Variants in SLC15A1 observed in about 807,000 individuals in gnomAD.
The protein encoded by SLC15A1 is Caco-2 oligopeptide transporter.
A neutral mutation model predicts 92.9 loss-of-function variants in SLC15A1; 83 were observed. The observed-to-expected ratio is 0.89, with a 90% confidence interval of 0.75 to 1.07. The LOEUF (loss-of-function observed/expected upper bound fraction) is 1.07. SLC15A1 is among the 50% of genes least tolerant of loss of function. SLC15A1 has a pLI of 0.00. For synonymous variants in SLC15A1, 322 were observed against 318.2 expected (o/e 1.01, Z -0.13); for missense variants, 857 against 880.1 (o/e 0.97, Z 0.33).
intron 16 of SLC15A1, 96 bp downstream of exon 16, chr13:98,706,038 G>T: frequency 7.3e-7 from 1 of 1,365,188 alleles, no homozygotes. Flanking sequence ...GGCTGGCCTT[G>T]GCATTTATAC....
At chr13:98,698,997 G>A (rs1408680997) in intron 18 of SLC15A1, among the ~76,000 whole-genome samples, 2 of 151,660 alleles carry the variant, frequency 1.3e-5, no homozygotes, top group Non-Finnish European at 2.9e-5. Context: ...TGGCTTTTGG[G>A]GTGCACAGTG....
intron 18 of SLC15A1, among the ~76,000 whole-genome samples, chr13:98,696,327 T>G (rs1241520315): frequency 3.9e-5 from 3 of 77,556 alleles, no homozygotes; most frequent in Non-Finnish European, 7.6e-5. Context: ...GGCAGGATAA[T>G]TGCTTGAACC....
intron 5 of SLC15A1, among the ~76,000 whole-genome samples, chr13:98,722,300 A>G (rs1372908227): frequency 2.0e-5 from 3 of 152,256 alleles, no homozygotes; most frequent in Non-Finnish European, 4.4e-5. Context: ...ATTGGAAAAC[A>G]TGATTTCATT....
chr13:98,725,524 C>T (rs2088291200), intron 4 of SLC15A1, among the ~76,000 whole-genome samples: 1 of 152,158 alleles, frequency 6.6e-6, no homozygotes, highest in African/African-American at 2.4e-5. Context: ...TAACTCCATG[C>T]CTCACACATC....
chr13:98,703,539 CTTTTTTTTTTTTTTTTTTTTT>C (rs771426478), intron 17 of SLC15A1, among the ~76,000 whole-genome samples: 27 of 85,538 alleles, frequency 3.2e-4, no homozygotes, highest in Middle Eastern at 7.5e-3. Flanking sequence ...GCTGCTGCTG[CTTTTTTTTTTTTTTTTTTTTT>C]TTTTTTTTTT....
intron 16 of SLC15A1, among the ~76,000 whole-genome samples, chr13:98,705,233 C>T (rs1028020628): frequency 1.4e-5 from 2 of 143,386 alleles, no homozygotes; most frequent in African/African-American, 5.2e-5. Flanking sequence ...ATCTCTGGGG[C>T]TGGGACCCAG....
intron 17 of SLC15A1, among the ~76,000 whole-genome samples, chr13:98,703,950 T>C (rs2088090764): frequency 6.6e-6 from 1 of 152,212 alleles, no homozygotes; most frequent in Non-Finnish European, 1.5e-5. Context: ...CAATTAATTA[T>C]ATATTTTAAA....
At chr13:98,726,328 C>G in intron 3 of SLC15A1, 40 bp downstream of exon 3, 1 of 1,613,856 alleles carries the variant, frequency 6.2e-7, no homozygotes, top group Admixed American at 1.7e-5. Context: ...TGGCCACTCC[C>G]GCTCTTCCCT....
Position 98,704,306 on chromosome 13 carries a change from G to A in SLC15A1, c.1399C>T (p.Pro467Ser), listed in dbSNP as rs62637593. The A allele has an allele frequency of 1.9e-5, 31 of 1,609,838 alleles. No individual in the cohort carries two copies. Among genetic ancestry groups the A allele is most frequent in the Non-Finnish European group, 2.4e-5 (28 of 1,178,370 alleles). ...ACACTTACCACCTGGTAGTGATTGG[G>A]GGCCCACACTAGAAGCGTGTGGCGT... is the stretch of plus-strand genomic sequence containing the variant. ...GQRHTLLVWAPNHYQVVKDGL... is the reference protein window; with the variant it reads ...GQRHTLLVWASNHYQVVKDGL... The change falls in exon 17 of 23, where the codon CCC becomes TCC. Residue 467 changes from proline (P) to serine (S), a missense_variant. By Grantham distance (74) the Pro-to-Ser change is moderately conservative (BLOSUM62 -1). Coordinates refer to ENST00000376503, the MANE Select transcript of SLC15A1 (RefSeq NM_005073.4).
chr13:98,695,474 C>A (rs1461826430), intron 18 of SLC15A1, among the ~76,000 whole-genome samples: 1 of 152,116 alleles, frequency 6.6e-6, no homozygotes, highest in African/African-American at 2.4e-5. Context: ...CTCACTGCAA[C>A]CTCCGTGCCC....
At chr13:98,730,672 G>C (rs1372126680) in intron 1 of SLC15A1, among the ~76,000 whole-genome samples, 1 of 152,270 alleles carries the variant, frequency 6.6e-6, no homozygotes, top group African/African-American at 2.4e-5. Flanking sequence ...CGTTACGGGG[G>C]AGACGCGACT....
intron 4 of SLC15A1, 65 bp downstream of exon 4, chr13:98,726,058 C>T: frequency 6.3e-7 from 1 of 1,578,788 alleles, no homozygotes; most frequent in Non-Finnish European, 8.6e-7. Flanking sequence ...TTCCACCATT[C>T]CCAACTACAA....
At position 98,737,869 on chromosome 13, in the gene SLC15A1, C is replaced by G. The variant is rs144850671; in HGVS notation, c.5-11010G>C. 8.9e-3 allele frequency among the ~76,000 whole-genome samples: 1,350 copies of G among 152,270 alleles called. 11 individuals carry two copies. The highest frequency in any genetic ancestry group is 0.017 in the Middle Eastern group (5 of 294). On this transcript the variant is annotated intron_variant, in intron 1 of 22. Transcript: ENST00000376503. ...GAAGATGAGGGAAAGTTTGGAACTT[C>G]TTAGAAACTGTCTAAATGGTTGTGA...
intron 22 of SLC15A1, 21 bp downstream of exon 22, chr13:98,686,169 A>T (rs376782901): frequency 1.9e-6 from 3 of 1,559,116 alleles, no homozygotes; most frequent in Non-Finnish European, 2.7e-6. Context: ...GGTATGTGCA[A>T]TCTCCTCTCC....
chr13:98,708,745 C>G lies in SLC15A1; in HGVS notation c.1090G>C (p.Gly364Arg). ...AAGGCCATGGAGGCCAGGACCATGC[C>G]AACTGCCATCTTCTTCAAGGAGCTG... ...NFTSLKKMAVGMVLASMAFVV... is the reference protein window; with the variant it reads ...NFTSLKKMAVRMVLASMAFVV... The change falls in exon 15 of 23, where the codon GGC (glycine) becomes CGC (arginine). Residue 364 changes from glycine to arginine, a missense_variant. Physicochemically the swap from Gly to Arg is moderately radical, Grantham distance 125. Coordinates refer to ENST00000376503, the MANE Select transcript of SLC15A1 (RefSeq NM_005073.4). 2 of 1,612,068 alleles carry G rather than the reference C, an allele frequency of 1.2e-6. No homozygotes were observed. The highest frequency in any genetic ancestry group is 3.4e-5 in the Admixed American group (2 of 59,636).
intron 1 of SLC15A1, among the ~76,000 whole-genome samples, chr13:98,743,575 G>C (rs2088466367): frequency 2.0e-5 from 3 of 152,296 alleles, no homozygotes; most frequent in African/African-American, 7.2e-5. Flanking sequence ...GAGTGCTCCA[G>C]GGTTCACATG....
chr13:98,749,428 C>T (rs1298831780), intron 1 of SLC15A1, among the ~76,000 whole-genome samples: 1 of 152,140 alleles, frequency 6.6e-6, no homozygotes, highest in Non-Finnish European at 1.5e-5. Flanking sequence ...GAACCTGAAG[C>T]CTTGTACCTA....
chr13:98,711,862 C>A lies in SLC15A1; in HGVS notation c.892G>T (p.Asp298Tyr). Residue 298 changes from aspartate to tyrosine, a missense_variant, in exon 11 of 23, where the codon GAC becomes TAC. Asp to Tyr is a radical substitution (Grantham distance 160). Coordinates refer to ENST00000376503, the MANE Select transcript of SLC15A1 (RefSeq NM_005073.4). ...GCAGAGTTTCACATTACCTGCTGGT[C>A]AAACAAGGCCCAGAACATTGGGAGT... ...IPLPMFWALF[D>Y]QQGSRWTLQA... is the part of the protein sequence containing the mutation. 1 of 1,613,472 alleles carries A rather than the reference C, an allele frequency of 6.2e-7. No homozygotes were observed. Among genetic ancestry groups the A allele is most frequent in the South Asian group, 1.1e-5 (1 of 91,020 alleles).
At chr13:98,719,821 C>A (rs2088240839) in intron 7 of SLC15A1, among the ~76,000 whole-genome samples, 1 of 152,204 alleles carries the variant, frequency 6.6e-6, no homozygotes, top group Admixed American at 6.5e-5. Context: ...TTAACCCCAC[C>A]TTTGCAGGGG....
Sources: allele counts gnomAD v4.1 joint callset (sites outside exome capture counted in the v4.1 genomes callset), GRCh38; gene constraint gnomAD v4.1.1; transcripts MANE v1.5; gene names NCBI Gene and HGNC (gene_info 2026-07-23, HGNC 2026-07-21).